EPSTI1: variants seen among roughly 807,000 people sequenced by gnomAD.
EPSTI1 encodes the protein epithelial stromal interaction 1.
EPSTI1 carries 66 observed loss-of-function variants against 49.9 expected under a neutral mutation model. The observed-to-expected ratio is 1.32, with a 90% CI of 1.08 to 1.62. The LOEUF is 1.62. Ranked by LOEUF, EPSTI1 falls within the 40% of genes most tolerant of loss-of-function variation. The pLI is 0.00. For synonymous variants in EPSTI1, 137 were observed against 130.7 expected (o/e 1.05, Z -0.33); for missense variants, 394 against 365.5 (o/e 1.08, Z -0.64).
intron 9 of EPSTI1, among the ~76,000 whole-genome samples, chr13:42,899,513 C>T (rs950838346): frequency 6.6e-6 from 1 of 152,112 alleles, no homozygotes; most frequent in Non-Finnish European, 1.5e-5. Context: ...TTTTTAAAGT[C>T]TCTCATTTAG....
intron 3 of EPSTI1, among the ~76,000 whole-genome samples, chr13:42,967,802 C>T (rs2039661475): frequency 6.6e-6 from 1 of 152,130 alleles, no homozygotes; most frequent in Non-Finnish European, 1.5e-5. Context: ...GCATTACGAA[C>T]CCCGAACTCT....
In EPSTI1 at chr13:42,944,630, G is replaced by A. The variant is rs544614948; in HGVS notation, c.563+9318C>T. Among the ~76,000 whole-genome samples the A allele has an allele frequency of 1.9e-3, 288 of 152,182 alleles. 2 individuals carry two copies. Among genetic ancestry groups the A allele is most frequent in the Non-Finnish European group, 2.5e-3 (171 of 68,012 alleles). On this transcript the variant is annotated intron_variant, in intron 6 of 10. Transcript: ENST00000313624. ...ACGTGTATACCTATGTAACAAAGCTGCGCGTTCTTCACATGTATCCCAGAA... is the reference window on the plus strand; with the variant it reads ...ACGTGTATACCTATGTAACAAAGCTACGCGTTCTTCACATGTATCCCAGAA...
At chr13:42,972,330 C>A (rs1197657796) in intron 1 of EPSTI1, among the ~76,000 whole-genome samples, 1 of 152,204 alleles carries the variant, frequency 6.6e-6, no homozygotes, top group Non-Finnish European at 1.5e-5. Flanking sequence ...GCGACTGGGT[C>A]AAATAACTTA....
intron 1 of EPSTI1, among the ~76,000 whole-genome samples, chr13:42,986,763 A>ACC (rs570709836): frequency 1.4e-5 from 2 of 142,756 alleles, no homozygotes; most frequent in Non-Finnish European, 3.1e-5. Flanking sequence ...AAAAAAAAAA[A>ACC]AAAAAAAACA....
intron 6 of EPSTI1, among the ~76,000 whole-genome samples, chr13:42,932,935 A>G (rs916191407): frequency 6.6e-6 from 1 of 152,182 alleles, no homozygotes; most frequent in Non-Finnish European, 1.5e-5. Flanking sequence ...AACATCAAAC[A>G]AACCCAAACT....
rs557276037 is a variant in EPSTI1 at position 42,946,624 on chromosome 13, A to T, written c.563+7324T>A. Among the ~76,000 whole-genome samples the T allele has an allele frequency of 3.3e-5, 5 of 152,272 alleles. No homozygotes were observed. In the South Asian group the frequency reaches 1.0e-3, roughly 32 times the overall value. ...TTTTGCCTATTCTAGCAAAATCCAGATATTGGTAGGAAGAAATAGAAGTCA... is the reference window on the plus strand; with the variant it reads ...TTTTGCCTATTCTAGCAAAATCCAGTTATTGGTAGGAAGAAATAGAAGTCA... On this transcript the variant is annotated intron_variant, in intron 6 of 10. Coordinates refer to ENST00000313624, the MANE Select transcript of EPSTI1 (RefSeq NM_033255.5).
intron 1 of EPSTI1, among the ~76,000 whole-genome samples, chr13:42,988,922 C>T (rs1276213179): frequency 6.6e-6 from 1 of 151,652 alleles, no homozygotes; most frequent in Non-Finnish European, 1.5e-5. Context: ...TACAGTGGTA[C>T]AATCACAGCT....
At chr13:42,911,574 A>C (rs1594634353) in intron 8 of EPSTI1, among the ~76,000 whole-genome samples, 1 of 152,202 alleles carries the variant, frequency 6.6e-6, no homozygotes, top group East Asian at 1.9e-4. Flanking sequence ...CTAGAAAATC[A>C]TTCACTTAAT....
Position 42,888,332 on chromosome 13 carries a change from A to C in EPSTI1, c.*162T>G, listed in dbSNP as rs201178940. The C allele has an allele frequency of 3.1e-6, 5 of 1,614,176 alleles. No homozygotes were observed. The East Asian group carries it at 8.9e-5, about 29-fold the overall frequency. ...CAGCTCCTCCAAACATGCATAAATG[A>C]GGACAAGGAGAAGCCAGTCACTCCT... On this transcript the variant is annotated 3_prime_UTR_variant, in exon 11 of 11. Transcript: ENST00000313624.
intron 8 of EPSTI1, among the ~76,000 whole-genome samples, chr13:42,901,245 A>G (rs1239488689): frequency 6.6e-6 from 1 of 152,168 alleles, no homozygotes; most frequent in Non-Finnish European, 1.5e-5. Flanking sequence ...CATACCAATA[A>G]AAGGTTGCTA....
intron 10 of EPSTI1, chr13:42,889,085 T>C (rs539258721): frequency 7.8e-6 from 6 of 770,838 alleles, no homozygotes; most frequent in Admixed American, 5.3e-5. Context: ...GGTTGCCTCA[T>C]TGGTCATAGG....
chr13:42,975,262 A>G (rs1041630951), intron 1 of EPSTI1, among the ~76,000 whole-genome samples: 1 of 152,206 alleles, frequency 6.6e-6, no homozygotes, highest in African/African-American at 2.4e-5. Flanking sequence ...ATAATAGAAA[A>G]TGACAAGACC....
intron 8 of EPSTI1, among the ~76,000 whole-genome samples, chr13:42,904,027 C>CT (rs1158662179): frequency 6.6e-6 from 1 of 152,116 alleles, no homozygotes; most frequent in Non-Finnish European, 1.5e-5. Flanking sequence ...ATGAGCCAGG[C>CT]TTGCATCTAC....
rs2037866356 is a variant in EPSTI1, at chr13:42,917,559, C to A, written c.723G>T (p.Lys241Asn). The A allele has an allele frequency of 8.3e-6, 13 of 1,567,508 alleles. No individual in the cohort carries two copies. The highest frequency in any genetic ancestry group is 1.4e-5 in the African/African-American group (1 of 72,570). Residue 241 changes from lysine to asparagine, a missense_variant, in exon 8 of 11, where the codon AAG (lysine) becomes AAT (asparagine). By Grantham distance (94) the Lys-to-Asn change is moderately conservative. Transcript: ENST00000313624. ...TAAGTACCTTTTGATGTTGTTCATC[C>A]TTCATCTTTTGCAATTTTCTGTTTT... ...AEENRKLQKMKDEQHQKSELL... is the reference protein window; with the variant it reads ...AEENRKLQKMNDEQHQKSELL...
chr13:42,987,211 T>TG (rs139931585), intron 1 of EPSTI1, among the ~76,000 whole-genome samples: 5,718 of 152,042 alleles, frequency 0.038, 356 homozygotes, highest in African/African-American at 0.13. Context: ...AAGTCTGAAG[T>TG]GGGGGGCAGT....
intron 9 of EPSTI1, among the ~76,000 whole-genome samples, chr13:42,899,688 G>A (rs890581822): frequency 1.4e-4 from 21 of 152,066 alleles, no homozygotes; most frequent in African/African-American, 4.8e-4. Context: ...AACTCAACTC[G>A]TGTCCCCCTA....
chr13:42,992,004 C>T lies in EPSTI1; in HGVS notation c.162G>A (p.Glu54=). ...GCCTCTGGCCCGCGTGCACGACGCT[C>T]TCCCGCGAAGGGCCCTTAGGGGCTG... ...LEAAPKGPSR[E]SVVHAGQRRT... The change falls in exon 1 of 11, where the codon GAG becomes GAA. Residue 54 remains glutamate (E), a synonymous_variant. Coordinates refer to ENST00000313624, the MANE Select transcript of EPSTI1 (RefSeq NM_033255.5). 1.2e-6 allele frequency: 2 copies of T among 1,613,438 alleles called. No homozygotes were observed. The highest frequency in any genetic ancestry group is 1.7e-5 in the Admixed American group (1 of 60,038).
chr13:42,910,839 T>C (rs527650844), intron 8 of EPSTI1, among the ~76,000 whole-genome samples: 1 of 152,324 alleles, frequency 6.6e-6, no homozygotes, highest in Admixed American at 6.5e-5. Flanking sequence ...CCAAGTTTGG[T>C]AGGGGTTGCA....
Position 42,922,003 on chromosome 13 carries a change from G to A in EPSTI1, c.657+4333C>T, listed in dbSNP as rs939597229. Among the ~76,000 whole-genome samples, 3 of 152,264 alleles carry A rather than the reference G, an allele frequency of 2.0e-5. No homozygotes were observed. In the East Asian group the frequency reaches 5.8e-4, roughly 29 times the overall value. On this transcript the variant is annotated intron_variant, in intron 7 of 10. Coordinates refer to ENST00000313624, the MANE Select transcript of EPSTI1 (RefSeq NM_033255.5). The surrounding 1 kb of genome is among the most constrained non-coding windows in gnomAD (Gnocchi z 4.8). ...AATGTTCAAAGGAAACTAAGAAAAC[G>A]CTAAAATAAAATGTTTAAAGAGTTG...
Sources: allele counts gnomAD v4.1 joint callset (sites outside exome capture counted in the v4.1 genomes callset), GRCh38; gene constraint gnomAD v4.1.1; non-coding constraint Gnocchi (gnomAD v3.1); transcripts MANE v1.5; gene names NCBI Gene and HGNC (gene_info 2026-07-23, HGNC 2026-07-21).